Variants in CPQ observed in about 807,000 individuals in gnomAD.
The protein encoded by CPQ is carboxypeptidase Q, also known as Ser-Met dipeptidase.
A neutral mutation model predicts 45.7 loss-of-function variants in CPQ; 37 were observed. The observed-to-expected ratio is 0.81, with a 90% CI of 0.62 to 1.07. CPQ has a LOEUF of 1.07. Ranked by LOEUF, CPQ falls within the 50% of genes least tolerant of loss-of-function variation. The probability of loss-of-function intolerance (pLI) is 0.00; values close to 1 mark genes in which losing one functional copy is unlikely to be tolerated. For missense variants in CPQ, 537 were observed against 572.9 expected (o/e 0.94, Z 0.64); for synonymous variants, 186 against 205.8 (o/e 0.90, Z 0.82).
chr8:96,886,064 C>G (rs1258886001), intron 4 of CPQ, among the ~76,000 whole-genome samples: 2 of 152,128 alleles, frequency 1.3e-5, no homozygotes, highest in East Asian at 3.9e-4. Context: ...TACCTAAAAT[C>G]TACCCTCTTT....
At chr8:96,975,047 TA>T (rs919354828) in intron 5 of CPQ, among the ~76,000 whole-genome samples, 9 of 151,740 alleles carry the variant, frequency 5.9e-5, no homozygotes, top group African/African-American at 2.2e-4. Context: ...AGAAAAAAGA[TA>T]AATGAAACAA....
chr8:96,817,958 A>G (rs1355582443), intron 2 of CPQ, among the ~76,000 whole-genome samples: 4 of 151,854 alleles, frequency 2.6e-5, no homozygotes, highest in African/African-American at 9.7e-5. Context: ...TGCATTCACA[A>G]CTTAGCTAAC....
intron 3 of CPQ, among the ~76,000 whole-genome samples, chr8:96,841,583 A>T (rs936458501): frequency 1.3e-5 from 2 of 152,190 alleles, no homozygotes; most frequent in African/African-American, 4.8e-5. Flanking sequence ...TCTTCACTTT[A>T]CTGTGAAAAT....
chr8:96,938,924 G>A (rs1813088394), intron 4 of CPQ, among the ~76,000 whole-genome samples: 2 of 152,110 alleles, frequency 1.3e-5, no homozygotes, highest in African/African-American at 4.8e-5. Context: ...GTACGATTCT[G>A]GGACTTTTTG....
At chr8:96,958,541 C>T (rs985205378) in intron 4 of CPQ, among the ~76,000 whole-genome samples, 3 of 152,214 alleles carry the variant, frequency 2.0e-5, no homozygotes, top group Non-Finnish European at 4.4e-5. Flanking sequence ...CATAGACATT[C>T]TCTGCTGTTC....
At chr8:96,866,102 C>A (rs2130870644) in intron 3 of CPQ, among the ~76,000 whole-genome samples, 1 of 152,128 alleles carries the variant, frequency 6.6e-6, no homozygotes, top group Middle Eastern at 3.4e-3. Context: ...CAGCTAAGTA[C>A]CCAATAGATG....
At chr8:96,961,250 T>C (rs1324107539) in intron 4 of CPQ, among the ~76,000 whole-genome samples, 1 of 152,344 alleles carries the variant, frequency 6.6e-6, no homozygotes, top group East Asian at 1.9e-4. Context: ...AGTTGTAAAG[T>C]GGTATCTTAT....
chr8:96,659,287 T>C (rs549413459), intron 1 of CPQ: 1 of 152,310 alleles, frequency 6.6e-6, no homozygotes, highest in South Asian at 2.1e-4. Flanking sequence ...ATTTCAGAGT[T>C]CCTACCATTT....
At chr8:96,884,745 A>C (rs1417176501) in intron 4 of CPQ, among the ~76,000 whole-genome samples, 2 of 152,198 alleles carry the variant, frequency 1.3e-5, no homozygotes, top group Non-Finnish European at 2.9e-5. Flanking sequence ...AGTCTAGCAG[A>C]CTTTCCTAAA....
At chr8:96,827,252 A>G (rs1258970921) in intron 2 of CPQ, among the ~76,000 whole-genome samples, 1 of 151,884 alleles carries the variant, frequency 6.6e-6, no homozygotes, top group Non-Finnish European at 1.5e-5. Context: ...TTTTTCTCTT[A>G]TGTCCTATTC....
intron 2 of CPQ, among the ~76,000 whole-genome samples, chr8:96,831,310 G>A (rs935497581): frequency 1.3e-5 from 2 of 152,058 alleles, no homozygotes; most frequent in East Asian, 3.9e-4. Context: ...TATTGTAGGG[G>A]TACAACTGGA....
chr8:96,915,138 C>A (rs1053005884), intron 4 of CPQ, among the ~76,000 whole-genome samples: 1 of 152,186 alleles, frequency 6.6e-6, no homozygotes, highest in African/African-American at 2.4e-5. Flanking sequence ...CTCCTTGACA[C>A]TGACTTGCCC....
intron 4 of CPQ, among the ~76,000 whole-genome samples, chr8:96,924,943 C>A (rs1186865457): frequency 6.6e-6 from 1 of 152,014 alleles, no homozygotes; most frequent in Non-Finnish European, 1.5e-5. Flanking sequence ...AGCGATCTAC[C>A]CTTTTATGTA....
chr8:96,699,491 T>G (rs1412570653), intron 1 of CPQ, among the ~76,000 whole-genome samples: 1 of 152,196 alleles, frequency 6.6e-6, no homozygotes, highest in African/African-American at 2.4e-5. Flanking sequence ...AGAGTATAAT[T>G]GGATTACTTG....
At chr8:97,024,031 C>T (rs1259260024) in intron 5 of CPQ, among the ~76,000 whole-genome samples, 1 of 152,236 alleles carries the variant, frequency 6.6e-6, no homozygotes. Context: ...ATCATAACCA[C>T]TGTGCCAGGC....
At chr8:96,787,148 T>C (rs1810779488) in intron 2 of CPQ, among the ~76,000 whole-genome samples, 1 of 152,142 alleles carries the variant, frequency 6.6e-6, no homozygotes, top group Admixed American at 6.6e-5. Flanking sequence ...TCTAGGTATG[T>C]ATATCTTTAC....
intron 4 of CPQ, among the ~76,000 whole-genome samples, chr8:96,965,372 C>CTT (rs5893403): frequency 7.4e-5 from 6 of 80,566 alleles, no homozygotes; most frequent in African/African-American, 2.3e-4. Flanking sequence ...AATTTCTTTT[C>CTT]TTTTTTTTTT....
At chr8:97,062,995 C>A (rs1020044587) in intron 6 of CPQ, among the ~76,000 whole-genome samples, 2 of 152,080 alleles carry the variant, frequency 1.3e-5, no homozygotes, top group African/African-American at 4.8e-5. Context: ...TGGTATATAC[C>A]CAGTAATGGG....
chr8:96,696,773 A>G (rs904141002), intron 1 of CPQ, among the ~76,000 whole-genome samples: 6 of 152,112 alleles, frequency 3.9e-5, no homozygotes, highest in Non-Finnish European at 7.4e-5. Flanking sequence ...CCTAGGAGAA[A>G]TGGATCTCAT....
Sources: allele counts gnomAD v4.1 joint callset (sites outside exome capture counted in the v4.1 genomes callset), GRCh38; gene constraint gnomAD v4.1.1; transcripts MANE v1.5; gene names NCBI Gene and HGNC (gene_info 2026-07-23, HGNC 2026-07-21).